Variants in RASSF3 observed in about 807,000 individuals in gnomAD.
RASSF3 encodes Ras association domain family member 3.
A neutral mutation model predicts 19.9 loss-of-function variants in RASSF3; 19 were observed. The observed-to-expected ratio is 0.96, with a 90% CI of 0.67 to 1.40. The LOEUF (loss-of-function observed/expected upper bound fraction) is 1.40, where lower values mean the gene tolerates loss of function less well. Ranked by LOEUF, RASSF3 falls within the 40% of genes most tolerant of loss-of-function variation. The pLI, the probability that RASSF3 is intolerant of heterozygous loss-of-function variation, is 0.00. For missense variants in RASSF3, 306 were observed against 289.8 expected (o/e 1.06, Z -0.41); for synonymous variants, 110 against 104.2 (o/e 1.06, Z -0.34).
At chr12:64,612,479 CTTTT>C (rs369436937) in intron 1 of RASSF3, among the ~76,000 whole-genome samples, 1 of 119,390 alleles carries the variant, frequency 8.4e-6, no homozygotes. Context: ...TTTAGCGTTT[CTTTT>C]TTTTTTTTTT....
At chr12:64,691,728 A>AGGGGGTT in intron 4 of RASSF3, 149 bp downstream of exon 4, 1 of 585,698 alleles carries the variant, frequency 1.7e-6, no homozygotes, top group African/African-American at 1.8e-5. Flanking sequence ...GTTGGAGGGC[A>AGGGGGTT]GGGAGAGGGA....
At chr12:64,533,891 T>C (rs1435398472) in intron 1 of RASSF3, among the ~76,000 whole-genome samples, 3 of 152,212 alleles carry the variant, frequency 2.0e-5, no homozygotes, top group Non-Finnish European at 2.9e-5. Flanking sequence ...TTGGTAGAGC[T>C]TGGGGCTTCC....
At chr12:64,685,467 A>AT (rs1873312425) in intron 2 of RASSF3, among the ~76,000 whole-genome samples, 1 of 152,136 alleles carries the variant, frequency 6.6e-6, no homozygotes, top group South Asian at 2.1e-4. Context: ...CTCATCTCAA[A>AT]TTCCTTGGCT....
At chr12:64,581,163 C>T (rs1434894367) in intron 2 of RASSF3, among the ~76,000 whole-genome samples, 1 of 151,652 alleles carries the variant, frequency 6.6e-6, no homozygotes, top group Non-Finnish European at 1.5e-5. Context: ...AAGCTAAGCA[C>T]TCATCCAGTT....
chr12:64,605,301 G>A (rs759480121), intron 2 of RASSF3, among the ~76,000 whole-genome samples: 3 of 151,870 alleles, frequency 2.0e-5, no homozygotes. Context: ...GAATTTTTGA[G>A]AGAAATTTTA....
chr12:64,576,500 A>T (rs1164124182), intron 2 of RASSF3, among the ~76,000 whole-genome samples: 1 of 152,206 alleles, frequency 6.6e-6, no homozygotes, highest in South Asian at 2.1e-4. Context: ...ATTAAACAGG[A>T]CACAAAAACC....
chr12:64,668,324 T>C (rs963027221), intron 1 of RASSF3, among the ~76,000 whole-genome samples: 1 of 151,954 alleles, frequency 6.6e-6, no homozygotes, highest in African/African-American at 2.4e-5. Flanking sequence ...TTGCCCAGGC[T>C]GAGGTGGAAT....
rs565045065 is a variant in RASSF3 at position 64,549,602 on chromosome 12, G to A, written c.294+7897G>A. On this transcript the variant is annotated intron_variant, in intron 2 of 5. Coordinates refer to the RASSF3 transcript ENST00000637125. Reference sequence around the variant, plus strand: ...TTATTCTTAATCATTAGGAGTCAATGGTAAAACTTTCTGATGAAAGCACCT... The same window carrying A: ...TTATTCTTAATCATTAGGAGTCAATAGTAAAACTTTCTGATGAAAGCACCT... Among the ~76,000 whole-genome samples, 4 of 152,284 alleles carry A rather than the reference G, an allele frequency of 2.6e-5. No homozygotes were observed. The East Asian group carries it at 7.7e-4, about 29-fold the overall frequency.
At chr12:64,658,212 A>AT (rs1014753869) in intron 1 of RASSF3, among the ~76,000 whole-genome samples, 9 of 151,578 alleles carry the variant, frequency 5.9e-5, no homozygotes, top group Middle Eastern at 3.4e-3. Flanking sequence ...CCACAGACAT[A>AT]TTTTTTTTTA....
chr12:64,541,277 C>T lies in RASSF3; in HGVS notation c.68-304C>T, dbSNP rs1294944083. Among the ~76,000 whole-genome samples the T allele has an allele frequency of 2.6e-5, 4 of 152,202 alleles. No individual in the cohort carries two copies. The East Asian group carries it at 7.7e-4, about 29-fold the overall frequency. The stretch of plus-strand genomic sequence containing the variant: ...CTGGGATTACAGGCATGAGCCACAG[C>T]GCCCGGCCAATGTTGTCTTAATTTA... On this transcript the variant is annotated intron_variant, in intron 1 of 1. Coordinates refer to the RASSF3 transcript ENST00000636333.
intron 1 of RASSF3, among the ~76,000 whole-genome samples, chr12:64,612,479 C>CTTTTTT (rs369436937): frequency 1.6e-4 from 19 of 119,358 alleles, no homozygotes; most frequent in East Asian, 2.5e-4. Flanking sequence ...TTTAGCGTTT[C>CTTTTTT]TTTTTTTTTT....
chr12:64,509,262 C>T (rs1427943628), intron 1 of RASSF3, among the ~76,000 whole-genome samples: 1 of 152,104 alleles, frequency 6.6e-6, no homozygotes, highest in Non-Finnish European at 1.5e-5. Context: ...CCAGCCTGGC[C>T]AACATGGCGA....
intron 1 of RASSF3, among the ~76,000 whole-genome samples, chr12:64,651,983 C>T (rs1871972742): frequency 6.6e-6 from 1 of 152,094 alleles, no homozygotes; most frequent in South Asian, 2.1e-4. Flanking sequence ...TAATTGTAGG[C>T]TTGGTGACTC....
At position 64,661,862 on chromosome 12, in the gene RASSF3, G is replaced by C. The variant is rs569423423; in HGVS notation, c.112-22925G>C. 2.8e-4 allele frequency among the ~76,000 whole-genome samples: 43 copies of C among 151,402 alleles called. No individual in the cohort carries two copies. The South Asian group carries it at 8.8e-3, about 31-fold the overall frequency. ...CGCCTGGCTAATTTTTATATTTTTA[G>C]TAGAGATAGGGCTTCACCCTGTTGG... On this transcript the variant is annotated intron_variant, in intron 1 of 4. Transcript: ENST00000542104.
At chr12:64,572,080 A>T (rs1393504083) in intron 2 of RASSF3, among the ~76,000 whole-genome samples, 1 of 152,074 alleles carries the variant, frequency 6.6e-6, no homozygotes, top group Non-Finnish European at 1.5e-5. Flanking sequence ...CTTTGCCTTC[A>T]TGGCACTGAT....
chr12:64,598,873 T>A (rs1031657145), intron 2 of RASSF3, among the ~76,000 whole-genome samples: 26 of 148,608 alleles, frequency 1.7e-4, no homozygotes, highest in African/African-American at 6.2e-4. Flanking sequence ...TATCTCCTAA[T>A]GCTATCCCTC....
At chr12:64,526,720 A>G (rs1161790121) in intron 1 of RASSF3, among the ~76,000 whole-genome samples, 1 of 151,902 alleles carries the variant, frequency 6.6e-6, no homozygotes, top group Non-Finnish European at 1.5e-5. Flanking sequence ...ACTTTTTAAA[A>G]CTTTTCGTAG....
chr12:64,525,583 A>C (rs770934171), intron 1 of RASSF3, among the ~76,000 whole-genome samples: 5 of 152,080 alleles, frequency 3.3e-5, no homozygotes, highest in Non-Finnish European at 5.9e-5. Flanking sequence ...CTTCATTTTC[A>C]GCCTTTTTCA....
intron 2 of RASSF3, among the ~76,000 whole-genome samples, chr12:64,554,306 T>C (rs1189638255): frequency 6.6e-6 from 1 of 152,138 alleles, no homozygotes; most frequent in Admixed American, 6.6e-5. Context: ...TGTGGTTTTT[T>C]CATTTGTTTG....
Sources: gnomAD v4.1 joint callset for allele counts (sites outside exome capture counted in the v4.1 genomes callset) on GRCh38, gnomAD v4.1.1 for gene constraint, MANE v1.5 for transcripts, NCBI Gene and HGNC (gene_info 2026-07-23, HGNC 2026-07-21) for gene names.